Variants in SLC12A8 observed in about 807,000 individuals in gnomAD.
The protein encoded by SLC12A8 is solute carrier family 12 member 8.
In SLC12A8, 69 loss-of-function variants were observed where a neutral mutation model predicts 75.6. The observed-to-expected ratio is 0.91, with a 90% CI of 0.75 to 1.11. SLC12A8 has a LOEUF of 1.11. Among genes scored for constraint, SLC12A8 ranks in the 50% most tolerant of loss-of-function variants. The pLI, the probability that SLC12A8 is intolerant of heterozygous loss-of-function variation, is 0.00. For missense variants in SLC12A8, 877 were observed against 896.7 expected (o/e 0.98, Z 0.28); for synonymous variants, 365 against 372.8 (o/e 0.98, Z 0.24).
chr3:125,082,722 A>T lies in SLC12A8; in HGVS notation c.*1168T>A, dbSNP rs1485628285. The T allele has an allele frequency of 6.6e-6, 1 of 152,250 alleles. No homozygotes were observed. The highest frequency in any genetic ancestry group is 1.9e-4 in the East Asian group (1 of 5,206). 9.4% of individuals were successfully genotyped at this position (152,250 alleles called of 1,614,324 possible). On this transcript the variant is annotated 3_prime_UTR_variant, in exon 14 of 14. Coordinates refer to ENST00000469902, the MANE Select transcript of SLC12A8 (RefSeq NM_024628.6). ...AATGCATGTACCTTTTGATCCTGCAATTCCACTTTTGGGAATTTATCCTAG... is the reference window on the plus strand; with the variant it reads ...AATGCATGTACCTTTTGATCCTGCATTTCCACTTTTGGGAATTTATCCTAG...
At chr3:125,204,482 A>G (rs1377171002) in intron 2 of SLC12A8, among the ~76,000 whole-genome samples, 1 of 152,230 alleles carries the variant, frequency 6.6e-6, no homozygotes, top group Admixed American at 6.5e-5. Flanking sequence ...CCAGGAACAG[A>G]AAGACAGATA....
At position 125,107,647 on chromosome 3, in the gene SLC12A8, A is replaced by C; in HGVS notation, c.1539T>G (p.Pro513=). The C allele has an allele frequency of 6.2e-7, 1 of 1,614,142 alleles. No individual in the cohort carries two copies. The highest frequency in any genetic ancestry group is 8.5e-7 in the Non-Finnish European group (1 of 1,180,020). ...TGTCAGAGATCTCGACAGGGAAAGA[A>C]GGAGGGGATTTGAGGTCCAAGAGGA... ...DSFLLDLKSP[P]SFPVEISDRL... The change falls in exon 10 of 14, where the codon CCT becomes CCG. Residue 513 remains proline (P), a synonymous_variant. Transcript: ENST00000469902.
At chr3:125,095,461 C>T (rs1938690968) in intron 10 of SLC12A8, among the ~76,000 whole-genome samples, 1 of 152,214 alleles carries the variant, frequency 6.6e-6, no homozygotes, top group South Asian at 2.1e-4. Context: ...CCTAGTCCAA[C>T]CCACTTTCAT....
At chr3:125,178,175 T>G (rs1934581268) in intron 4 of SLC12A8, among the ~76,000 whole-genome samples, 2 of 152,036 alleles carry the variant, frequency 1.3e-5, no homozygotes, top group African/African-American at 4.8e-5. Context: ...CTTGTCTACA[T>G]CTCAACTAAA....
rs533773828 is a variant in SLC12A8, at chr3:125,124,700, C to T, written c.737-4014G>A. Among the ~76,000 whole-genome samples the T allele has an allele frequency of 2.6e-5, 4 of 152,296 alleles. 1 individual carries two copies. The highest frequency in any genetic ancestry group is 2.0e-4 in the Admixed American group (3 of 15,298). ...TCTACCTCTGTGTTACCACACAATT[C>T]TTGGGCAATGTTCCCTAGCTTCGGT... is the stretch of plus-strand genomic sequence containing the variant. On this transcript the variant is annotated intron_variant, in intron 6 of 13. Coordinates refer to ENST00000469902, the MANE Select transcript of SLC12A8 (RefSeq NM_024628.6).
At chr3:125,115,117 C>T (rs1170895846) in intron 8 of SLC12A8, among the ~76,000 whole-genome samples, 1 of 152,142 alleles carries the variant, frequency 6.6e-6, no homozygotes, top group Non-Finnish European at 1.5e-5. Flanking sequence ...TAATTAGCAC[C>T]TACTACATGC....
intron 8 of SLC12A8, among the ~76,000 whole-genome samples, chr3:125,116,942 T>G (rs996752726): frequency 6.6e-6 from 1 of 152,150 alleles, no homozygotes; most frequent in Non-Finnish European, 1.5e-5. Flanking sequence ...GACGGAAGCA[T>G]GCATGTAGAT....
chr3:125,089,428 A>G (rs571325170), intron 12 of SLC12A8, among the ~76,000 whole-genome samples: 47 of 152,280 alleles, frequency 3.1e-4, no homozygotes, highest in Non-Finnish European at 5.3e-4. Context: ...ATGTTTTCCT[A>G]TGAATAGATT....
chr3:125,133,430 T>C (rs1454449425), intron 6 of SLC12A8, among the ~76,000 whole-genome samples: 1 of 151,868 alleles, frequency 6.6e-6, no homozygotes, highest in Non-Finnish European at 1.5e-5. Flanking sequence ...TGGAGTATCA[T>C]GGCGTGACCA....
intron 5 of SLC12A8, among the ~76,000 whole-genome samples, chr3:125,152,831 T>C (rs895088397): frequency 6.6e-6 from 1 of 152,176 alleles, no homozygotes; most frequent in African/African-American, 2.4e-5. Context: ...AAAGCATATA[T>C]TGCTGACATG....
intron 2 of SLC12A8, among the ~76,000 whole-genome samples, chr3:125,211,053 A>C (rs950413135): frequency 3.3e-5 from 5 of 152,148 alleles, no homozygotes; most frequent in Admixed American, 2.6e-4. Flanking sequence ...TGGAGTTTGG[A>C]GTTGTGGGGG....
chr3:125,190,351 C>T (rs1427711781), intron 3 of SLC12A8, 24 bp downstream of exon 3: 1 of 1,613,024 alleles, frequency 6.2e-7, no homozygotes, highest in East Asian at 2.2e-5. Flanking sequence ...GTGAGAGGCT[C>T]CAGGCCACCA....
At chr3:125,131,483 T>C (rs1196118058) in intron 6 of SLC12A8, among the ~76,000 whole-genome samples, 1 of 151,976 alleles carries the variant, frequency 6.6e-6, no homozygotes, top group Admixed American at 6.5e-5. Context: ...GCCTCCCAGG[T>C]TCAAGTGATT....
At chr3:125,167,633 A>G (rs1052384912) in intron 5 of SLC12A8, among the ~76,000 whole-genome samples, 1 of 152,244 alleles carries the variant, frequency 6.6e-6, no homozygotes, top group Non-Finnish European at 1.5e-5. Flanking sequence ...TTAACCAATG[A>G]GAAAACCAAA....
At chr3:125,132,240 G>A (rs28986278) in intron 6 of SLC12A8, among the ~76,000 whole-genome samples, 18,900 of 152,164 alleles carry the variant, frequency 0.12, 1,665 homozygotes, top group East Asian at 0.35. Flanking sequence ...GCTTAGAGTC[G>A]GAGACTGACT....
chr3:125,085,735 C>T (rs761488120), intron 13 of SLC12A8, among the ~76,000 whole-genome samples: 1 of 151,912 alleles, frequency 6.6e-6, no homozygotes, highest in Non-Finnish European at 1.5e-5. Context: ...CACCACCACA[C>T]CCGGCTAACT....
At chr3:125,210,916 T>C (rs1239374967) in intron 2 of SLC12A8, among the ~76,000 whole-genome samples, 3 of 152,186 alleles carry the variant, frequency 2.0e-5, no homozygotes, top group African/African-American at 2.4e-5. Context: ...AGAAATCCTT[T>C]TGGCTTCAGA....
intron 5 of SLC12A8, among the ~76,000 whole-genome samples, chr3:125,176,196 T>C (rs1391485141): frequency 6.6e-6 from 1 of 152,142 alleles, no homozygotes; most frequent in South Asian, 2.1e-4. Flanking sequence ...ACTTCTCACC[T>C]CAGGCAACAG....
Position 125,123,724 on chromosome 3 carries a change from C to T in SLC12A8, c.737-3038G>A, listed in dbSNP as rs191751582. ...AGAGACTCACCCTCATGATTCAATT[C>T]CCTCCCACCAGGTTCCTCCCACGAC... On this transcript the variant is annotated intron_variant, in intron 6 of 13. Transcript: ENST00000469902. 4 of 152,252 alleles carry T rather than the reference C, an allele frequency of 2.6e-5. No individual in the cohort carries two copies. The East Asian group carries it at 7.7e-4, about 29-fold the overall frequency. 9.4% of individuals were successfully genotyped at this position (152,252 alleles called of 1,614,324 possible). A position where few individuals can be genotyped will look rare whatever the true frequency, so the allele number is the denominator to read the frequency against.
Sources: allele counts gnomAD v4.1 joint callset (sites outside exome capture counted in the v4.1 genomes callset), GRCh38; gene constraint gnomAD v4.1.1; transcripts MANE v1.5; gene names NCBI Gene and HGNC (gene_info 2026-07-23, HGNC 2026-07-21).